Variants in RASGEF1C observed in about 807,000 individuals in gnomAD.
RASGEF1C encodes RasGEF domain family member 1C, also known as ras-GEF domain-containing family member 1C.
Under a neutral mutation model 58.1 loss-of-function variants are expected in RASGEF1C, and 27 were observed. The ratio of observed to expected loss-of-function variants is 0.46; its 90% CI spans 0.34 to 0.64. RASGEF1C has a LOEUF of 0.64. Among genes scored for constraint, RASGEF1C ranks in the 30% least tolerant of loss-of-function variants. The pLI, the probability that RASGEF1C is intolerant of heterozygous loss-of-function variation, is 0.01. For synonymous variants in RASGEF1C, 243 were observed against 246.3 expected (o/e 0.99, Z 0.13); for missense variants, 502 against 605.1 (o/e 0.83, Z 1.79).
chr5:180,173,732 G>C (rs1053527074), intron 1 of RASGEF1C, among the ~76,000 whole-genome samples: 1 of 152,080 alleles, frequency 6.6e-6, no homozygotes, highest in Non-Finnish European at 1.5e-5. Context: ...GGCCAACATG[G>C]TGAAACCCCG....
rs1054937637 is a variant in RASGEF1C at position 180,168,446 on chromosome 5, C to CA, written c.-6-30389dup. 1.3e-4 allele frequency among the ~76,000 whole-genome samples: 19 copies of CA among 151,804 alleles called. No homozygotes were observed. The highest frequency in any genetic ancestry group is 1.9e-4 in the African/African-American group (8 of 41,406). ...GAAACTCCATCTCAAAATAAATAAA[C>CA]AAAAAAAACAACAACCAAAAAACTC... On this transcript the variant is annotated intron_variant, in intron 1 of 13. Coordinates refer to ENST00000361132, the MANE Select transcript of RASGEF1C (RefSeq NM_175062.4). The surrounding 1 kb of genome is among the most constrained non-coding windows in gnomAD (Gnocchi z 6.0).
intron 1 of RASGEF1C, among the ~76,000 whole-genome samples, chr5:180,192,631 G>A (rs1320954439): frequency 6.6e-6 from 1 of 152,168 alleles, no homozygotes; most frequent in Non-Finnish European, 1.5e-5. Flanking sequence ...TTCAAAGACA[G>A]CATGAAAAGA....
chr5:180,208,670 G>A (rs1756537282), intron 1 of RASGEF1C, among the ~76,000 whole-genome samples: 1 of 152,160 alleles, frequency 6.6e-6, no homozygotes, highest in South Asian at 2.1e-4. Flanking sequence ...CATAGACGGG[G>A]AAACTGAGGT....
chr5:180,157,623 G>A (rs1383841603), intron 1 of RASGEF1C, among the ~76,000 whole-genome samples: 22 of 110,406 alleles, frequency 2.0e-4, no homozygotes, highest in South Asian at 9.1e-4. Flanking sequence ...GCAAAACTCC[G>A]TCTCAAAAAA....
chr5:180,136,929 T>C (rs1216010506), intron 3 of RASGEF1C, among the ~76,000 whole-genome samples: 1 of 152,074 alleles, frequency 6.6e-6, no homozygotes, highest in Non-Finnish European at 1.5e-5. Flanking sequence ...GGAGACTCAC[T>C]GGGCCAGTAG....
chr5:180,181,071 G>C (rs990007583), intron 1 of RASGEF1C, among the ~76,000 whole-genome samples: 3 of 152,226 alleles, frequency 2.0e-5, no homozygotes, highest in African/African-American at 7.2e-5. Context: ...GCAGGAGCAA[G>C]AGGACGAACA....
At position 180,206,812 on chromosome 5, in the gene RASGEF1C, C is replaced by G. The variant is rs555564949; in HGVS notation, c.-7+2216G>C. On this transcript the variant is annotated intron_variant, in intron 1 of 13. Coordinates refer to ENST00000361132, the MANE Select transcript of RASGEF1C (RefSeq NM_175062.4). ...AAGAAGTTACTTTCAGGACATACTT[C>G]TAACTGAAGAAAAACCAGGAGCTGT... Among the ~76,000 whole-genome samples the G allele has an allele frequency of 3.3e-5, 5 of 152,310 alleles. No homozygotes were observed. In the East Asian group the frequency reaches 9.6e-4, roughly 29 times the overall value.
rs1022011426 is a variant in RASGEF1C at position 180,177,252 on chromosome 5, A to T, written c.-7+31776T>A. 2.0e-5 allele frequency among the ~76,000 whole-genome samples: 3 copies of T among 152,190 alleles called. No individual in the cohort carries two copies. The highest frequency in any genetic ancestry group is 7.2e-5 in the African/African-American group (3 of 41,468). On this transcript the variant is annotated intron_variant, in intron 1 of 13. Transcript: ENST00000361132. The surrounding 1 kb of genome is among the most constrained non-coding windows in gnomAD (Gnocchi z 5.0). ...GTGCACATCAGCCCCTCAGCCCCGAAGCCAGGGGCTGCTTTCCCTTTCCGG... is the reference window on the plus strand; with the variant it reads ...GTGCACATCAGCCCCTCAGCCCCGATGCCAGGGGCTGCTTTCCCTTTCCGG...
At chr5:180,203,044 T>C (rs1756424424) in intron 1 of RASGEF1C, among the ~76,000 whole-genome samples, 1 of 152,162 alleles carries the variant, frequency 6.6e-6, no homozygotes, top group Non-Finnish European at 1.5e-5. Flanking sequence ...GAAGCTAAGC[T>C]TTGTCCAGTC....
At chr5:180,179,812 T>A (rs1767294675) in intron 1 of RASGEF1C, among the ~76,000 whole-genome samples, 1 of 152,224 alleles carries the variant, frequency 6.6e-6, no homozygotes, top group South Asian at 2.1e-4. Context: ...CATCTCCGTG[T>A]ACCCAGAGAT....
intron 1 of RASGEF1C, 81 bp from the exon 2 acceptor site, chr5:180,138,139 G>C: frequency 1.2e-6 from 1 of 830,182 alleles, no homozygotes; most frequent in Non-Finnish European, 1.8e-6. Flanking sequence ...GCTGGTCCCG[G>C]GGCTCCTGGC....
At chr5:180,174,618 C>CTG (rs71001081) in intron 1 of RASGEF1C, among the ~76,000 whole-genome samples, 1 of 12,662 alleles carries the variant, frequency 7.9e-5, no homozygotes, top group Non-Finnish European at 1.9e-4. Flanking sequence ...ATGTGTGTGT[C>CTG]TGTGTGTGTG....
chr5:180,200,691 C>A (rs1327646297), intron 1 of RASGEF1C, among the ~76,000 whole-genome samples: 1 of 152,046 alleles, frequency 6.6e-6, no homozygotes, highest in Admixed American at 6.5e-5. Flanking sequence ...ATGGTGGCCA[C>A]CTGAATCCAA....
chr5:180,121,403 T>C (rs1179779828), intron 6 of RASGEF1C, among the ~76,000 whole-genome samples: 1 of 151,340 alleles, frequency 6.6e-6, no homozygotes, highest in African/African-American at 2.4e-5. Flanking sequence ...AAGCTCCGCC[T>C]CCCGGGTTCA....
intron 1 of RASGEF1C, among the ~76,000 whole-genome samples, chr5:180,173,825 A>G (rs527317443): frequency 6.6e-6 from 1 of 151,654 alleles, no homozygotes; most frequent in South Asian, 2.1e-4. Flanking sequence ...AGGCAGGAGA[A>G]TCGCTTGAGC....
At chr5:180,123,411 C>T (rs988740489) in intron 6 of RASGEF1C, among the ~76,000 whole-genome samples, 4 of 152,196 alleles carry the variant, frequency 2.6e-5, no homozygotes, top group African/African-American at 9.7e-5. Context: ...AACACGGAAA[C>T]TTGAACTTAA....
At chr5:180,159,287 G>C (rs1057412322) in intron 1 of RASGEF1C, among the ~76,000 whole-genome samples, 8 of 151,794 alleles carry the variant, frequency 5.3e-5, no homozygotes, top group Non-Finnish European at 8.8e-5. Flanking sequence ...GTACAGGCGT[G>C]CACCACCACG....
chr5:180,160,427 C>T (rs1220259729), intron 1 of RASGEF1C, among the ~76,000 whole-genome samples: 2 of 152,218 alleles, frequency 1.3e-5, no homozygotes, highest in Non-Finnish European at 2.9e-5. Flanking sequence ...GGGCTCCACG[C>T]TGCAGAGGGT....
At chr5:180,145,827 C>T (rs972166853) in intron 1 of RASGEF1C, among the ~76,000 whole-genome samples, 1 of 152,192 alleles carries the variant, frequency 6.6e-6, no homozygotes, top group African/African-American at 2.4e-5. Flanking sequence ...GCTGCTGGGA[C>T]CTCTGCAGGG....
Sources: gnomAD v4.1 joint callset for allele counts (sites outside exome capture counted in the v4.1 genomes callset) on GRCh38, gnomAD v4.1.1 for gene constraint, Gnocchi (gnomAD v3.1) non-coding constraint, MANE v1.5 for transcripts, NCBI Gene and HGNC (gene_info 2026-07-23, HGNC 2026-07-21) for gene names.